Variants in LUC7L observed in about 807,000 individuals in gnomAD.
The protein encoded by LUC7L is putative RNA-binding protein Luc7-like 1.
LUC7L carries 29 observed loss-of-function variants against 51.1 expected under a neutral mutation model. That is an observed-to-expected ratio of 0.57 (90% CI 0.42 to 0.77). LUC7L has a LOEUF of 0.77. Ranked by LOEUF, LUC7L falls within the 30% of genes least tolerant of loss-of-function variation. The probability of loss-of-function intolerance (pLI) is 0.00; values close to 1 mark genes in which losing one functional copy is unlikely to be tolerated. For missense variants in LUC7L, 403 were observed against 511.9 expected (o/e 0.79, Z 2.05); for synonymous variants, 181 against 180.7 (o/e 1.00, Z -0.01).
intron 3 of LUC7L, among the ~76,000 whole-genome samples, chr16:219,647 C>T (rs1596671179): frequency 6.6e-6 from 1 of 151,504 alleles, no homozygotes; most frequent in East Asian, 1.9e-4. Context: ...CTGAGGCGGG[C>T]GGATCACCTG....
rs144081652 is a variant in LUC7L, at chr16:189,322, G to A, written c.992C>T (p.Ala331Val). ...GCTCTCCCAGGACTCCTCTCTGGAT[G>A]CCCGCTCTCTGGAGAACCTGGGAAA... ...SAKYKFSRER[A>V]SREESWESGR... is the part of the protein sequence containing the mutation. Residue 331 changes from alanine (A) to valine (V), a missense_variant, in exon 10 of 10, where the codon GCA (alanine) becomes GTA (valine). Around this residue, in one of 3 missense-constraint regions of LUC7L, gnomAD observed 206 missense variants for 218.3 expected, o/e 0.94. Transcript: ENST00000293872. The A allele has an allele frequency of 2.5e-5, 41 of 1,611,108 alleles. No homozygotes were observed. In the African/African-American group the frequency reaches 4.9e-4, roughly 19 times the overall value.
At chr16:224,688 CCAGG>C (rs779121027) in intron 2 of LUC7L, among the ~76,000 whole-genome samples, 57 of 151,762 alleles carry the variant, frequency 3.8e-4, no homozygotes, top group Admixed American at 1.4e-3. Flanking sequence ...AAAAAATTAG[CCAGG>C]TGTGGTGGCG....
chr16:209,458 C>A (rs2142080574), intron 3 of LUC7L: 1 of 148,286 alleles, frequency 6.7e-6, no homozygotes, highest in African/African-American at 2.5e-5. Flanking sequence ...CCACTGCACT[C>A]CAGCCTGGGC....
chr16:189,187 G>A lies in LUC7L; in HGVS notation c.*11C>T, dbSNP rs114688272. On this transcript the variant is annotated 3_prime_UTR_variant, in exon 10 of 10. Coordinates refer to ENST00000293872, the MANE Select transcript of LUC7L (RefSeq NM_201412.3). ...GTTTATCAGACTATTTACAGCACCC[G>A]GGAGACGGGTTCAGATCTCGCCGGC... 464 of 1,610,332 alleles carry A rather than the reference G, an allele frequency of 2.9e-4. 1 individual carries two copies. The African/African-American group carries it at 5.4e-3, about 19-fold the overall frequency.
chr16:228,520 G>A, intron 1 of LUC7L: 1 of 1,216,534 alleles, frequency 8.2e-7, no homozygotes, highest in Non-Finnish European at 1.1e-6. Flanking sequence ...ATTCACCTAT[G>A]AAATAAAGTG....
rs1448666847 is a variant in LUC7L at position 189,233 on chromosome 16, G to A, written c.1081C>T (p.Arg361Trp). 2.7e-5 allele frequency: 44 copies of A among 1,613,836 alleles called. No individual in the cohort carries two copies. The highest frequency in any genetic ancestry group is 2.0e-4 in the Admixed American group (12 of 59,976). ...LESSNGKMAS[R>W]RSEEKEAGEI Reference sequence around the variant, plus strand: ...CCGGCCTCCTTCTCTTCTGACCTCCGTGAAGCCATCTTCCCGTTGGAGCTC... The same window carrying A: ...CCGGCCTCCTTCTCTTCTGACCTCCATGAAGCCATCTTCCCGTTGGAGCTC... Residue 361 changes from arginine to tryptophan, a missense_variant, in exon 10 of 10, where the codon CGG (arginine) becomes TGG (tryptophan). This residue lies in a region of LUC7L where 206 missense variants were observed against 218.3 expected (regional missense o/e 0.94). Transcript: ENST00000293872.
chr16:219,068 A>G (rs113249313), intron 3 of LUC7L, among the ~76,000 whole-genome samples: 6,872 of 152,106 alleles, frequency 0.045, 220 homozygotes, highest in Non-Finnish European at 0.068. Flanking sequence ...ACTGCCCTCC[A>G]GCCTGGGTGA....
At chr16:225,294 T>C (rs1369845556) in intron 2 of LUC7L, among the ~76,000 whole-genome samples, 3 of 151,866 alleles carry the variant, frequency 2.0e-5, no homozygotes, top group Non-Finnish European at 4.4e-5. Flanking sequence ...CAGACTAGCC[T>C]GGTCAACATG....
At position 199,144 on chromosome 16, in the gene LUC7L, T is replaced by C; in HGVS notation, c.605A>G (p.Asn202Ser). 1.2e-6 allele frequency: 2 copies of C among 1,613,882 alleles called. No individual in the cohort carries two copies. Among genetic ancestry groups the C allele is most frequent in the Non-Finnish European group, 1.7e-6 (2 of 1,179,776 alleles). Residue 202 changes from asparagine (N) to serine (S), a missense_variant, in exon 6 of 10, where the codon AAT (asparagine) becomes AGT (serine). Asn to Ser is a conservative substitution (Grantham distance 46). Coordinates refer to ENST00000293872, the MANE Select transcript of LUC7L (RefSeq NM_201412.3). ...GAAGTGGTCTGCCAGGCGACGGTCATTGTCATGGAGACCAAGGTAGGCTGA... is the reference window on the plus strand; with the variant it reads ...GAAGTGGTCTGCCAGGCGACGGTCACTGTCATGGAGACCAAGGTAGGCTGA... ...VCSAYLGLHD[N>S]DRRLADHFGG...
At chr16:228,046 A>G (rs554465694) in intron 1 of LUC7L, 2 of 1,136,422 alleles carry the variant, frequency 1.8e-6, no homozygotes, top group Admixed American at 8.5e-5. Flanking sequence ...GAAAAGTGTT[A>G]AAGGAAAAGT....
rs149653540 is a variant in LUC7L at position 219,728 on chromosome 16, C to G, written c.255+921G>C. Among the ~76,000 whole-genome samples the G allele has an allele frequency of 4.6e-5, 7 of 152,094 alleles. 1 individual carries two copies. The South Asian group carries it at 1.5e-3, about 32-fold the overall frequency. ...TCTCTACTAAAAATACAAAATCAGCCGGGCATGGCGGCTCATGCCTGTATT... is the reference window on the plus strand; with the variant it reads ...TCTCTACTAAAAATACAAAATCAGCGGGGCATGGCGGCTCATGCCTGTATT... On this transcript the variant is annotated intron_variant, in intron 3 of 9. Transcript: ENST00000293872.
intron 4 of LUC7L, 67 bp downstream of exon 4, chr16:208,011 A>G: frequency 8.6e-7 from 1 of 1,167,886 alleles, no homozygotes; most frequent in South Asian, 1.4e-5. Context: ...TCCATCTCAA[A>G]AAAAAAAGCT....
chr16:206,568 C>G (rs1389680691), intron 4 of LUC7L, among the ~76,000 whole-genome samples: 2 of 152,096 alleles, frequency 1.3e-5, no homozygotes, highest in African/African-American at 4.8e-5. Context: ...CTAAGAAATG[C>G]TTTTACAACA....
At chr16:214,315 C>G (rs1217517140) in intron 3 of LUC7L, among the ~76,000 whole-genome samples, 1 of 152,108 alleles carries the variant, frequency 6.6e-6, no homozygotes, top group Non-Finnish European at 1.5e-5. Context: ...CCACCTCAGC[C>G]TCCCAAAGTG....
At chr16:212,229 G>A (rs942831881) in intron 3 of LUC7L, among the ~76,000 whole-genome samples, 2 of 152,148 alleles carry the variant, frequency 1.3e-5, no homozygotes, top group African/African-American at 4.8e-5. Context: ...GGAGGCGGAG[G>A]TTGCAGTGAG....
At chr16:228,092 A>T in intron 1 of LUC7L, 1 of 1,148,212 alleles carries the variant, frequency 8.7e-7, no homozygotes, top group Non-Finnish European at 1.1e-6. Flanking sequence ...AAGTCGGGGG[A>T]ATGATACATA....
intron 3 of LUC7L, among the ~76,000 whole-genome samples, chr16:218,654 G>T (rs1266185860): frequency 6.6e-6 from 1 of 151,994 alleles, no homozygotes; most frequent in African/African-American, 2.4e-5. Flanking sequence ...CCAGGAGGCG[G>T]AGGTTGCAAT....
intron 5 of LUC7L, among the ~76,000 whole-genome samples, chr16:199,755 T>TA (rs2049267506): frequency 3.2e-5 from 1 of 31,152 alleles, no homozygotes; most frequent in Non-Finnish European, 5.6e-5. Context: ...AAACCCTGTC[T>TA]CAAAAAAAAA....
At chr16:199,600 C>T (rs1267995711) in intron 5 of LUC7L, among the ~76,000 whole-genome samples, 1 of 151,902 alleles carries the variant, frequency 6.6e-6, no homozygotes, top group Non-Finnish European at 1.5e-5. Flanking sequence ...GGAGAAACCC[C>T]ATCTCTATTA....
Sources: allele counts gnomAD v4.1 joint callset (sites outside exome capture counted in the v4.1 genomes callset), GRCh38; gene constraint gnomAD v4.1.1; regional missense constraint gnomAD v4.1.1; transcripts MANE v1.5; gene names NCBI Gene and HGNC (gene_info 2026-07-23, HGNC 2026-07-21).